Variants in SRCIN1 observed in about 807,000 individuals in gnomAD.
SRCIN1 encodes the protein P130Cas-associated protein.
SRCIN1 carries 50 observed loss-of-function variants against 116.2 expected under a neutral mutation model. That is an observed-to-expected ratio of 0.43 (90% CI 0.34 to 0.54). The LOEUF (loss-of-function observed/expected upper bound fraction) is 0.54. Ranked by LOEUF, SRCIN1 falls within the 20% of genes least tolerant of loss-of-function variation. SRCIN1 has a pLI of 0.02. For missense variants in SRCIN1, 1,446 were observed against 1,672.0 expected, an observed-to-expected ratio of 0.86 and a Z score of 2.36; for synonymous variants, 736 against 750.0, an observed-to-expected ratio of 0.98 and a Z score of 0.30.
chr17:38,551,582 C>G (rs1400457258), intron 14 of SRCIN1, 193 bp from the exon 15 acceptor site: 2 of 641,296 alleles, frequency 3.1e-6, no homozygotes, highest in African/African-American at 1.8e-5. Flanking sequence ...ATGCCACCCT[C>G]ATTATATACT....
At chr17:38,555,252 C>T (rs1905708103) in intron 11 of SRCIN1, among the ~76,000 whole-genome samples, 1 of 152,200 alleles carries the variant, frequency 6.6e-6, no homozygotes, top group Non-Finnish European at 1.5e-5. Flanking sequence ...CTGAAGTCTA[C>T]CCAATGGAAG....
At chr17:38,571,302 C>T (rs536007622) in intron 2 of SRCIN1, among the ~76,000 whole-genome samples, 2 of 152,278 alleles carry the variant, frequency 1.3e-5, no homozygotes, top group East Asian at 1.9e-4. Flanking sequence ...CAGTACAGTA[C>T]CTGGTGGATA....
At chr17:38,537,425 GGA>G (rs1904455085) in intron 18 of SRCIN1, among the ~76,000 whole-genome samples, 1 of 151,948 alleles carries the variant, frequency 6.6e-6, no homozygotes, top group Non-Finnish European at 1.5e-5. Context: ...GATTGAGCTT[GGA>G]GAGGTTGAGG....
intron 1 of SRCIN1, 85 bp from the exon 2 acceptor site, chr17:38,578,876 G>C: frequency 7.1e-7 from 1 of 1,406,546 alleles, no homozygotes; most frequent in Non-Finnish European, 9.3e-7. Flanking sequence ...CTGCGGGAAG[G>C]GGCGGGGCCT....
At chr17:38,543,237 GA>G in intron 18 of SRCIN1, 1 of 455,940 alleles carries the variant, frequency 2.2e-6, no homozygotes. Flanking sequence ...GCAAAGACGG[GA>G]GGTGACCCCA....
rs1004823150 is a variant in SRCIN1 at position 38,561,458 on chromosome 17, C to G, written c.1700+5G>C. 2 of 1,572,648 alleles carry G rather than the reference C, an allele frequency of 1.3e-6. No homozygotes were observed. Among genetic ancestry groups the G allele is most frequent in the Admixed American group, 1.7e-5 (1 of 57,158 alleles). On this transcript the variant is annotated splice_donor_5th_base_variant and intron_variant, in intron 7 of 18. Transcript: ENST00000617146. ...AGTCCCTGAGGCCTGGTTAACGTCC[C>G]TCACCTGGTCTCCGTGTCCTTGGCT...
At chr17:38,601,662 G>GCACACACA (rs71138637) in intron 1 of SRCIN1, among the ~76,000 whole-genome samples, 4 of 149,840 alleles carry the variant, frequency 2.7e-5, no homozygotes, top group African/African-American at 9.8e-5. Flanking sequence ...ACGCTCGCGC[G>GCACACACA]CACACACACA....
Position 38,563,753 on chromosome 17 carries a change from T to G in SRCIN1, c.542-232A>C, listed in dbSNP as rs1303500956. The G allele has an allele frequency of 4.3e-6, 3 of 693,422 alleles. No homozygotes were observed. Among genetic ancestry groups the G allele is most frequent in the Non-Finnish European group, 7.6e-6 (3 of 393,488 alleles). The allele number at this position is 693,422 out of a possible 1,614,324, so 43.0% of individuals were successfully genotyped here. A position where few individuals can be genotyped will look rare whatever the true frequency, so the allele number is the denominator to read the frequency against. ...CTGGACTCCAGGCAGTTGAAGGAAC[T>G]TGGACAAGGAAATGGAAGTGGGGGC... is the stretch of plus-strand genomic sequence containing the variant. On this transcript the variant is annotated intron_variant, in intron 4 of 18. Coordinates refer to ENST00000617146, the MANE Select transcript of SRCIN1 (RefSeq NM_025248.3). The surrounding 1 kb of genome is among the most constrained non-coding windows in gnomAD (Gnocchi z 5.8).
chr17:38,553,550 T>C (rs1020040182), intron 11 of SRCIN1, among the ~76,000 whole-genome samples: 1 of 152,132 alleles, frequency 6.6e-6, no homozygotes. Context: ...GAAACTGCCA[T>C]GTCCATTGCC....
At chr17:38,545,695 C>T (rs1239277292) in intron 17 of SRCIN1, among the ~76,000 whole-genome samples, 4 of 152,122 alleles carry the variant, frequency 2.6e-5, no homozygotes. Flanking sequence ...CCGGTTTGGC[C>T]AGGGCAGGCA....
At chr17:38,536,355 TCC>T (rs1567847975) in intron 18 of SRCIN1, among the ~76,000 whole-genome samples, 1 of 152,144 alleles carries the variant, frequency 6.6e-6, no homozygotes, top group Admixed American at 6.5e-5. Flanking sequence ...CCCATCATCC[TCC>T]CCTGCTGATT....
upstream of SRCIN1, among the ~76,000 whole-genome samples, chr17:38,606,263 A>G (rs1423900553): frequency 6.6e-6 from 1 of 150,744 alleles, no homozygotes; most frequent in Non-Finnish European, 1.5e-5. The surrounding 1 kb of genome is among the most constrained non-coding windows in gnomAD (Gnocchi z 5.2). Context: ...CACCCGGGGA[A>G]GCGGGGACAC....
rs777411519 is a variant in SRCIN1 at position 38,578,809 on chromosome 17, G to C, written c.23-18C>G. ...CTCCGGATCTGCGAGAGGTGAGAGG[G>C]GCACGGCTGGGTCACGGCGCGCCCG... is the stretch of plus-strand genomic sequence containing the variant. On this transcript the variant is annotated intron_variant, in intron 1 of 18. Coordinates refer to ENST00000617146, the MANE Select transcript of SRCIN1 (RefSeq NM_025248.3). The C allele has an allele frequency of 1.1e-5, 16 of 1,466,954 alleles. No individual in the cohort carries two copies. In the South Asian group the frequency reaches 2.2e-4, roughly 20 times the overall value. 90.9% of individuals were successfully genotyped at this position (1,466,954 alleles called of 1,614,324 possible).
chr17:38,544,857 T>C lies in SRCIN1; in HGVS notation c.3271-888A>G, dbSNP rs1310047847. 1 of 126,840 alleles carries C rather than the reference T, an allele frequency of 7.9e-6. No individual in the cohort carries two copies. Among genetic ancestry groups the C allele is most frequent in the African/African-American group, 3.1e-5 (1 of 32,302 alleles). The allele number at this position is 126,840 out of a possible 1,614,324, so 7.9% of individuals were successfully genotyped here. A position where few individuals can be genotyped will look rare whatever the true frequency, so the allele number is the denominator to read the frequency against. The stretch of plus-strand genomic sequence containing the variant: ...GGAGGAGGAAGGCAGCAGAGGAGGA[T>C]GAAAAGCGGGCAGCCACCTGGGGGC... On this transcript the variant is annotated intron_variant, in intron 17 of 18. Coordinates refer to ENST00000617146, the MANE Select transcript of SRCIN1 (RefSeq NM_025248.3). The surrounding 1 kb of genome is among the most constrained non-coding windows in gnomAD (Gnocchi z 4.5).
intron 3 of SRCIN1, among the ~76,000 whole-genome samples, chr17:38,566,319 T>G (rs1906678419): frequency 1.3e-5 from 2 of 152,232 alleles, no homozygotes; most frequent in South Asian, 4.1e-4. Flanking sequence ...CCTAGCCCAG[T>G]GGGCACCTTT....
At position 38,585,102 on chromosome 17, in the gene SRCIN1, G is replaced by C. The variant is rs528359380; in HGVS notation, c.23-6311C>G. On this transcript the variant is annotated intron_variant, in intron 1 of 18. Coordinates refer to ENST00000617146, the MANE Select transcript of SRCIN1 (RefSeq NM_025248.3). This position sits in a 1 kb window ranked among gnomAD's most constrained non-coding sequence, Gnocchi z 4.2. ...GCCCCGACCCACTGCCTGGGCAGGGGTAGGAGCTGGGTTATAGCCCTGGCA... is the reference window on the plus strand; with the variant it reads ...GCCCCGACCCACTGCCTGGGCAGGGCTAGGAGCTGGGTTATAGCCCTGGCA... 6.6e-6 allele frequency among the ~76,000 whole-genome samples: 1 copy of C among 152,234 alleles called. No individual in the cohort carries two copies. Among genetic ancestry groups the C allele is most frequent in the East Asian group, 1.9e-4 (1 of 5,196 alleles).
At chr17:38,575,030 G>C (rs1361262485) in intron 2 of SRCIN1, 2 of 400,168 alleles carry the variant, frequency 5.0e-6, no homozygotes, top group East Asian at 7.1e-5. Flanking sequence ...GAGCCGCTGG[G>C]GTACTGTGAT....
At chr17:38,597,240 T>C (rs1373373511) in intron 1 of SRCIN1, among the ~76,000 whole-genome samples, 1 of 152,230 alleles carries the variant, frequency 6.6e-6, no homozygotes, top group African/African-American at 2.4e-5. Flanking sequence ...GAGAACTTCC[T>C]GGATGAGGCA....
At chr17:38,559,883 C>T in intron 9 of SRCIN1, 111 bp from the exon 10 acceptor site, 1 of 1,401,674 alleles carries the variant, frequency 7.1e-7, no homozygotes. Flanking sequence ...GCCAGAGAAG[C>T]CCGTGGCTCT....
Sources: gnomAD v4.1 joint callset for allele counts (sites outside exome capture counted in the v4.1 genomes callset) on GRCh38, gnomAD v4.1.1 for gene constraint, Gnocchi (gnomAD v3.1) non-coding constraint, MANE v1.5 for transcripts, NCBI Gene and HGNC (gene_info 2026-07-23, HGNC 2026-07-21) for gene names.